The following SLF2 variants were observed in gnomAD, a reference collection of about 807,000 sequenced individuals.
SLF2 encodes SMC5/6 complex localization factor 2.
In SLF2, 68 loss-of-function variants were observed where a neutral mutation model predicts 124.3. That is an observed-to-expected ratio of 0.55 (90% CI 0.45 to 0.67). The LOEUF is 0.67. Ranked by LOEUF, SLF2 falls within the 30% of genes least tolerant of loss-of-function variation. SLF2 has a pLI of 0.00. For synonymous variants in SLF2, 480 were observed against 478.8 expected (o/e 1.00, Z -0.03); for missense variants, 1,246 against 1,373.7 (o/e 0.91, Z 1.47).
chr10:100,947,527 A>C (rs1850127370), intron 14 of SLF2, among the ~76,000 whole-genome samples: 1 of 152,186 alleles, frequency 6.6e-6, no homozygotes, highest in South Asian at 2.1e-4. Context: ...ATCAGGGTCA[A>C]AGATAAGGCC....
chr10:100,925,874 C>T, intron 5 of SLF2, 75 bp from the exon 6 acceptor site: 1 of 1,373,104 alleles, frequency 7.3e-7, no homozygotes, highest in South Asian at 1.4e-5. Flanking sequence ...GTCTTTCGTA[C>T]CCTTAATTAC....
chr10:100,931,222 A>G lies in SLF2; in HGVS notation c.2436+144A>G. ...TGTCAGTGGCTTAGAATGTAGCAAA[A>G]AGAGTCAATATAAAGAGATTATGAA... is the stretch of plus-strand genomic sequence containing the variant. On this transcript the variant is annotated intron_variant, in intron 9 of 19. Transcript: ENST00000238961. 2 of 647,448 alleles carry G rather than the reference A, an allele frequency of 3.1e-6. 1 individual carries two copies. The highest frequency in any genetic ancestry group is 3.9e-5 in the South Asian group (2 of 50,782). The allele number at this position is 647,448 out of a possible 1,614,324, so 40.1% of individuals were successfully genotyped here. A position where few individuals can be genotyped will look rare whatever the true frequency, so the allele number is the denominator to read the frequency against.
At chr10:100,941,808 A>C (rs1467118380) in intron 11 of SLF2, among the ~76,000 whole-genome samples, 1 of 152,096 alleles carries the variant, frequency 6.6e-6, no homozygotes, top group Non-Finnish European at 1.5e-5. Flanking sequence ...TAAGATTTTC[A>C]TTTCCATTTT....
intron 11 of SLF2, 161 bp from the exon 12 acceptor site, chr10:100,943,865 T>C (rs1850032228): frequency 2.0e-6 from 1 of 495,314 alleles, no homozygotes; most frequent in African/African-American, 2.0e-5. Context: ...GTGGTTACAT[T>C]AGTATATATG....
intron 7 of SLF2, 72 bp from the exon 8 acceptor site, chr10:100,929,758 C>T: frequency 1.7e-6 from 2 of 1,200,532 alleles, no homozygotes; most frequent in Middle Eastern, 2.6e-4. Context: ...GTTTTCTTTG[C>T]ACCCAGCTTT....
chr10:100,934,138 C>T (rs1367265250), intron 9 of SLF2, among the ~76,000 whole-genome samples: 1 of 152,136 alleles, frequency 6.6e-6, no homozygotes, highest in Non-Finnish European at 1.5e-5. Flanking sequence ...TCAAAAATTG[C>T]CATGTAACTT....
Position 100,918,394 on chromosome 10 carries a change from A to G in SLF2, c.926A>G (p.His309Arg), listed in dbSNP as rs1257518751. The change falls in exon 4 of 20, where the codon CAT becomes CGT. Residue 309 changes from histidine (H) to arginine (R), a missense_variant. Around this residue, in one of 3 missense-constraint regions of SLF2, gnomAD observed 698 missense variants for 708.9 expected, o/e 0.98. Coordinates refer to ENST00000238961, the MANE Select transcript of SLF2 (RefSeq NM_018121.4). ...KNNLSNVENG[H>R]LSRKRSSSDS... ...TCATTGTGCTCATAGGAAAATGGAC[A>G]TCTCTCAAGAAAAAGATCCTCTTCT... 7 of 1,595,450 alleles carry G rather than the reference A, an allele frequency of 4.4e-6. No homozygotes were observed. The highest frequency in any genetic ancestry group is 2.3e-5 in the South Asian group (2 of 87,892).
chr10:100,924,762 T>A lies in SLF2; in HGVS notation c.1761T>A (p.Asn587Lys), dbSNP rs766030214. The A allele has an allele frequency of 1.2e-6, 2 of 1,614,152 alleles. No homozygotes were observed. The highest frequency in any genetic ancestry group is 4.5e-5 in the East Asian group (2 of 44,880). ...PSEGESSGNS[N>K]AGSSALKRKL... The stretch of plus-strand genomic sequence containing the variant: ...AAGGAGAGAGTTCAGGAAATTCCAA[T>A]GCAGGTAGCAGTGCACTGAAAAGAA... The change falls in exon 5 of 20, where the codon AAT (asparagine) becomes AAA (lysine). Residue 587 changes from asparagine to lysine, a missense_variant. Physicochemically the swap from Asn to Lys is moderately conservative, Grantham distance 94. This residue lies in a region of SLF2 where 698 missense variants were observed against 708.9 expected (regional missense o/e 0.98). Coordinates refer to ENST00000238961, the MANE Select transcript of SLF2 (RefSeq NM_018121.4).
chr10:100,916,567 TAGAC>T lies in SLF2; in HGVS notation c.188_191del (p.Arg63ThrfsTer49). The T allele has an allele frequency of 3.0e-6, 4 of 1,344,836 alleles. No homozygotes were observed. Among genetic ancestry groups the T allele is most frequent in the Non-Finnish European group, 3.8e-6 (4 of 1,040,752 alleles). 83.3% of individuals were successfully genotyped at this position (1,344,836 alleles called of 1,614,324 possible). On this transcript the variant is annotated splice_acceptor_variant and coding_sequence_variant, in exon 3 of 20. Coordinates refer to ENST00000238961, the MANE Select transcript of SLF2 (RefSeq NM_018121.4). LOFTEE classifies it high-confidence loss of function. ...TTTGTATGTGTTTTAATTGGCTATT[TAGAC>T]AGACACATGTTGGATTCACCACAAA...
At chr10:100,946,924 T>G (rs1290479119) in intron 13 of SLF2, 115 bp from the exon 14 acceptor site, 3 of 761,314 alleles carry the variant, frequency 3.9e-6, no homozygotes, top group Non-Finnish European at 6.8e-6. Flanking sequence ...TCTAAAAATG[T>G]GCTCTGTTTT....
At position 100,915,852 on chromosome 10, in the gene SLF2, T is replaced by C. The variant is rs189842092; in HGVS notation, c.141-147T>C. On this transcript the variant is annotated intron_variant, in intron 1 of 19. Transcript: ENST00000238961. ...TTTTCTGTTTTTTTAATGAACAGTT[T>C]AGCAAAGCATTGTTACCATTGTCAG... is the stretch of plus-strand genomic sequence containing the variant. The C allele has an allele frequency of 9.6e-5, 61 of 633,990 alleles. No individual in the cohort carries two copies. In the African/African-American group the frequency reaches 1.0e-3, roughly 11 times the overall value. 39.3% of individuals were successfully genotyped at this position (633,990 alleles called of 1,614,324 possible).
Position 100,924,785 on chromosome 10 carries a change from G to GAA in SLF2, c.1787_1788dup (p.Leu597AsnfsTer2). 1 of 1,614,160 alleles carries GAA rather than the reference G, an allele frequency of 6.2e-7. No homozygotes were observed. The highest frequency in any genetic ancestry group is 8.5e-7 in the Non-Finnish European group (1 of 1,180,022). On this transcript the variant is annotated frameshift_variant, in exon 5 of 20. Coordinates refer to ENST00000238961, the MANE Select transcript of SLF2 (RefSeq NM_018121.4). LOFTEE classifies it high-confidence loss of function. ...AATGCAGGTAGCAGTGCACTGAAAAGAAAACTAAGGGGTGATTTTGATAGT... is the reference window on the plus strand; with the variant it reads ...AATGCAGGTAGCAGTGCACTGAAAAGAAAAAACTAAGGGGTGATTTTGATAGT...
At chr10:100,932,550 C>T (rs988618023) in intron 9 of SLF2, among the ~76,000 whole-genome samples, 1 of 152,040 alleles carries the variant, frequency 6.6e-6, no homozygotes, top group South Asian at 2.1e-4. Context: ...AGAGATATTC[C>T]AGTACAGACT....
intron 1 of SLF2, 136 bp from the exon 2 acceptor site, chr10:100,915,863 T>C: frequency 1.5e-6 from 1 of 670,374 alleles, no homozygotes; most frequent in Non-Finnish European, 2.6e-6. Flanking sequence ...AGCAAAGCAT[T>C]GTTACCATTG....
Position 100,947,079 on chromosome 10 carries a change from A to G in SLF2, c.2975A>G (p.His992Arg). The G allele has an allele frequency of 6.2e-7, 1 of 1,612,722 alleles. No individual in the cohort carries two copies. The highest frequency in any genetic ancestry group is 1.7e-5 in the Admixed American group (1 of 59,724). ...LCLGINELSS[H>R]PHNLLWLVQL... ...CTGGGCATAAATGAACTCTCCAGTC[A>G]TCCCCACAACCTCCTGTGGTTGGTA... is the stretch of plus-strand genomic sequence containing the variant. Residue 992 changes from histidine to arginine, a missense_variant, in exon 14 of 20, where the codon CAT becomes CGT. Transcript: ENST00000238961.
intron 17 of SLF2, among the ~76,000 whole-genome samples, chr10:100,954,810 C>T (rs1401514737): frequency 6.6e-6 from 1 of 152,252 alleles, no homozygotes; most frequent in East Asian, 1.9e-4. Flanking sequence ...AGTGTGGTGG[C>T]ACGTACCTGT....
chr10:100,931,201 A>G (rs1849728536), intron 9 of SLF2, 123 bp downstream of exon 9: 2 of 721,378 alleles, frequency 2.8e-6, no homozygotes, highest in Non-Finnish European at 2.4e-6. Flanking sequence ...CCATGATGTC[A>G]GTGGCTTAGA....
chr10:100,921,963 G>A (rs1310624687), intron 4 of SLF2, among the ~76,000 whole-genome samples: 6 of 152,212 alleles, frequency 3.9e-5, no homozygotes, highest in Admixed American at 3.9e-4. Flanking sequence ...AAAGAGCAGA[G>A]ATAAGGGCAT....
intron 5 of SLF2, among the ~76,000 whole-genome samples, chr10:100,925,342 C>T (rs1228860964): frequency 5.9e-5 from 9 of 152,090 alleles, no homozygotes; most frequent in Non-Finnish European, 8.8e-5. Context: ...GTAGAAGTGA[C>T]GTAGAAGTTA....
Sources: allele counts gnomAD v4.1 joint callset (sites outside exome capture counted in the v4.1 genomes callset), GRCh38; gene constraint gnomAD v4.1.1; regional missense constraint gnomAD v4.1.1; transcripts MANE v1.5; gene names NCBI Gene and HGNC (gene_info 2026-07-23, HGNC 2026-07-21).